Variants in CHN1 observed in about 807,000 individuals in gnomAD.
CHN1 encodes the protein N-chimaerin.
In CHN1, 37 loss-of-function variants were observed where a neutral mutation model predicts 59.5. The observed-to-expected ratio is 0.62, with a 90% CI of 0.48 to 0.82. The LOEUF (loss-of-function observed/expected upper bound fraction) is 0.82. Ranked by LOEUF, CHN1 falls within the 40% of genes least tolerant of loss-of-function variation. The probability of loss-of-function intolerance (pLI) is 0.00; values close to 1 mark genes in which losing one functional copy is unlikely to be tolerated. For missense variants in CHN1, 469 were observed against 571.0 expected (o/e 0.82, Z 1.82); for synonymous variants, 206 against 200.4 (o/e 1.03, Z -0.24).
chr2:174,864,392 A>G (rs141584739), intron 6 of CHN1, among the ~76,000 whole-genome samples: 288 of 152,356 alleles, frequency 1.9e-3, no homozygotes, highest in African/African-American at 6.6e-3. Context: ...GTTTAAGTCA[A>G]CTGTTGAAGA....
intron 4 of CHN1, 128 bp downstream of exon 4, chr2:174,918,406 T>G (rs1255955017): frequency 3.2e-6 from 2 of 618,304 alleles, no homozygotes; most frequent in Non-Finnish European, 5.1e-6. Context: ...CATTTGAAAT[T>G]TTTAAGAAAT....
chr2:174,954,545 C>A (rs1690126433), intron 1 of CHN1, among the ~76,000 whole-genome samples: 1 of 152,120 alleles, frequency 6.6e-6, no homozygotes, highest in South Asian at 2.1e-4. Flanking sequence ...ATCTATACAT[C>A]CGACAAAGGA....
intron 5 of CHN1, among the ~76,000 whole-genome samples, chr2:174,906,340 G>A (rs1395835850): frequency 6.6e-6 from 1 of 152,054 alleles, no homozygotes; most frequent in Non-Finnish European, 1.5e-5. Flanking sequence ...ATTATGCTAA[G>A]GGAAAAATGT....
chr2:174,862,336 CT>C (rs1271683275), intron 6 of CHN1, among the ~76,000 whole-genome samples: 374 of 141,154 alleles, frequency 2.6e-3, no homozygotes, highest in Middle Eastern at 0.011. Context: ...ACCAACGATA[CT>C]TTTTTTTTTT....
At chr2:174,843,089 C>T (rs4972729) in intron 7 of CHN1, among the ~76,000 whole-genome samples, 52,958 of 151,868 alleles carry the variant, frequency 0.35, 11,100 homozygotes, top group Admixed American at 0.54. Context: ...AATATTGTAT[C>T]TGCTCTTGAT....
chr2:174,815,641 G>A (rs1377138182), intron 8 of CHN1, among the ~76,000 whole-genome samples: 2 of 149,506 alleles, frequency 1.3e-5, no homozygotes, highest in African/African-American at 2.5e-5. Context: ...GCTTGTTGGG[G>A]GCATTTTTAT....
intron 3 of CHN1, among the ~76,000 whole-genome samples, chr2:174,944,419 ATT>A (rs1489331356): frequency 6.6e-6 from 1 of 152,176 alleles, no homozygotes; most frequent in Non-Finnish European, 1.5e-5. Flanking sequence ...TTTAATTGGC[ATT>A]TCTCTTATTA....
intron 5 of CHN1, among the ~76,000 whole-genome samples, chr2:174,895,569 TAAGC>T (rs1310753248): frequency 1.3e-5 from 2 of 151,950 alleles, no homozygotes; most frequent in African/African-American, 4.8e-5. Flanking sequence ...AAAAGATAAA[TAAGC>T]AAGTTCAGAA....
chr2:174,828,916 G>T (rs1343044947), intron 7 of CHN1, among the ~76,000 whole-genome samples: 1 of 152,090 alleles, frequency 6.6e-6, no homozygotes, highest in Non-Finnish European at 1.5e-5. Flanking sequence ...TAATTCAAAA[G>T]AACAATCAGC....
chr2:174,846,247 G>A (rs1459437276), intron 7 of CHN1: 10 of 1,505,966 alleles, frequency 6.6e-6, no homozygotes, highest in Non-Finnish European at 8.9e-6. Flanking sequence ...ATATCACCTT[G>A]AAAGAAAATT....
chr2:174,963,770 C>A (rs557807813), intron 1 of CHN1, among the ~76,000 whole-genome samples: 1 of 152,232 alleles, frequency 6.6e-6, no homozygotes, highest in African/African-American at 2.4e-5. Context: ...AGAAAGCAAA[C>A]CAGGCAACAG....
intron 1 of CHN1, among the ~76,000 whole-genome samples, chr2:174,969,625 T>C (rs1278231994): frequency 6.6e-6 from 1 of 152,198 alleles, no homozygotes; most frequent in Non-Finnish European, 1.5e-5. Context: ...GTCACCTACT[T>C]CAGTTCTTGA....
chr2:174,889,296 T>G (rs1238231114), intron 5 of CHN1, among the ~76,000 whole-genome samples: 1 of 151,564 alleles, frequency 6.6e-6, no homozygotes, highest in Non-Finnish European at 1.5e-5. Context: ...CACACTCAGC[T>G]AAAAACAAGA....
intron 2 of CHN1, among the ~76,000 whole-genome samples, chr2:174,947,640 C>T (rs1224006493): frequency 2.6e-5 from 4 of 151,726 alleles, no homozygotes; most frequent in African/African-American, 9.7e-5. Flanking sequence ...CACACCACCA[C>T]GTCAAGCTAA....
chr2:174,920,647 G>A (rs1439796626), intron 3 of CHN1, among the ~76,000 whole-genome samples: 1 of 152,148 alleles, frequency 6.6e-6, no homozygotes, highest in Admixed American at 6.5e-5. Context: ...ACTTGATATA[G>A]TTACTCACAG....
chr2:174,860,611 A>G (rs1687040938), intron 6 of CHN1, among the ~76,000 whole-genome samples: 1 of 152,236 alleles, frequency 6.6e-6, no homozygotes, highest in Non-Finnish European at 1.5e-5. Context: ...ACCAGAGACT[A>G]GGGTGGTATA....
chr2:174,845,245 T>C (rs1207958857), intron 7 of CHN1, among the ~76,000 whole-genome samples: 1 of 152,206 alleles, frequency 6.6e-6, no homozygotes, highest in Non-Finnish European at 1.5e-5. Context: ...CTGTTTTTGC[T>C]GAACAAATCA....
chr2:174,993,595 C>A (rs1244219537), intron 1 of CHN1, among the ~76,000 whole-genome samples: 2 of 147,294 alleles, frequency 1.4e-5, no homozygotes, highest in South Asian at 4.3e-4. Flanking sequence ...AAACACATGA[C>A]AGTGCTTGAG....
chr2:174,809,160 C>T (rs377380143), intron 10 of CHN1, 118 bp from the exon 11 acceptor site: 18 of 981,096 alleles, frequency 1.8e-5, no homozygotes, highest in East Asian at 1.3e-4. Context: ...CAGTTTTTAA[C>T]GTAAAATTTA....
Sources: allele counts gnomAD v4.1 joint callset (sites outside exome capture counted in the v4.1 genomes callset), GRCh38; gene constraint gnomAD v4.1.1; transcripts MANE v1.5; gene names NCBI Gene and HGNC (gene_info 2026-07-23, HGNC 2026-07-21).